The following ADCY2 variants were observed in gnomAD, a reference collection of about 807,000 sequenced individuals.
ADCY2 encodes the protein adenylate cyclase 2.
ADCY2 carries 31 observed loss-of-function variants against 125.2 expected under a neutral mutation model. The ratio of observed to expected loss-of-function variants is 0.25; its 90% confidence interval spans 0.19 to 0.33. ADCY2 has a LOEUF of 0.33. Ranked by LOEUF, ADCY2 falls within the 10% of genes least tolerant of loss-of-function variation. The pLI is 1.00. For synonymous variants in ADCY2, 512 were observed against 548.4 expected, an observed-to-expected ratio of 0.93 and a Z score of 0.93; for missense variants, 904 against 1,418.2, an observed-to-expected ratio of 0.64 and a Z score of 5.82.
At chr5:7,715,889 G>A (rs1192634361) in intron 11 of ADCY2, among the ~76,000 whole-genome samples, 1 of 152,160 alleles carries the variant, frequency 6.6e-6, no homozygotes, top group East Asian at 1.9e-4. Context: ...AGGAAAGTGT[G>A]ATTTTTATTC....
intron 1 of ADCY2, among the ~76,000 whole-genome samples, chr5:7,401,292 C>T (rs777246267): frequency 6.6e-6 from 1 of 152,164 alleles, no homozygotes; most frequent in African/African-American, 2.4e-5. Flanking sequence ...GAAAGGTGCT[C>T]ATTCTACAGA....
At chr5:7,671,891 A>C (rs1344555793) in intron 4 of ADCY2, among the ~76,000 whole-genome samples, 1 of 152,092 alleles carries the variant, frequency 6.6e-6, no homozygotes, top group African/African-American at 2.4e-5. Flanking sequence ...CTTCATTTTC[A>C]GGTGAGGAAA....
At chr5:7,794,754 A>G (rs1402459794) in intron 20 of ADCY2, 2 of 152,058 alleles carry the variant, frequency 1.3e-5, no homozygotes, top group Non-Finnish European at 2.9e-5. Context: ...AGAAGAATCT[A>G]TTTCCTTGAC....
At chr5:7,422,509 A>ATAGGAC (rs1296272580) in intron 2 of ADCY2, among the ~76,000 whole-genome samples, 1 of 152,118 alleles carries the variant, frequency 6.6e-6, no homozygotes, top group African/African-American at 2.4e-5. Flanking sequence ...AAGGATAGGA[A>ATAGGAC]AGCTGACCCA....
Position 7,724,602 on chromosome 5 carries a change from A to C in ADCY2, c.1761A>C (p.Val587=), listed in dbSNP as rs761225165. The change falls in exon 13 of 25, where the codon GTA becomes GTC. Residue 587 remains valine (V), a synonymous_variant. Coordinates refer to ENST00000338316, the MANE Select transcript of ADCY2 (RefSeq NM_020546.3). ...QRISLLFYNK[V]LEKEYRATAL... is the part of the protein sequence containing the mutation. ...TCTCACTGCTTTTCTATAACAAAGT[A>C]CTAGAAAAAGAGGTAAGTTTTTTTC... The C allele has an allele frequency of 6.3e-7, 1 of 1,580,538 alleles. No individual in the cohort carries two copies. The highest frequency in any genetic ancestry group is 8.6e-7 in the Non-Finnish European group (1 of 1,169,416).
intron 3 of ADCY2, among the ~76,000 whole-genome samples, chr5:7,525,254 G>A (rs911317343): frequency 9.2e-5 from 14 of 152,162 alleles, no homozygotes; most frequent in African/African-American, 3.1e-4. Context: ...CAATCCGCCA[G>A]CCTTGGCCTT....
chr5:7,757,373 T>G, intron 15 of ADCY2, 76 bp from the exon 16 acceptor site: 2 of 1,548,770 alleles, frequency 1.3e-6, no homozygotes, highest in Non-Finnish European at 1.8e-6. Flanking sequence ...CTTGTGGTTG[T>G]AAACATTGTC....
intron 4 of ADCY2, among the ~76,000 whole-genome samples, chr5:7,631,762 A>C (rs988214260): frequency 4.6e-5 from 7 of 152,122 alleles, no homozygotes; most frequent in Admixed American, 3.3e-4. Flanking sequence ...TGCCATCCCC[A>C]AAGATCCCTC....
At position 7,481,344 on chromosome 5, in the gene ADCY2, GC is replaced by G. The variant is rs1210706714; in HGVS notation, c.409-39393del. On this transcript the variant is annotated intron_variant, in intron 2 of 24. Transcript: ENST00000338316. ...TGCAGTGGCACGATCTCGGCTCACTGCAAGCTCCGCCTCCCGGGTTCACGCC... is the reference window on the plus strand; with the variant it reads ...TGCAGTGGCACGATCTCGGCTCACTGAAGCTCCGCCTCCCGGGTTCACGCC... Among the ~76,000 whole-genome samples, 3 of 152,166 alleles carry G rather than the reference GC, an allele frequency of 2.0e-5. No individual in the cohort carries two copies. In the East Asian group the frequency reaches 5.8e-4, roughly 29 times the overall value.
At chr5:7,587,291 T>G (rs1370409114) in intron 3 of ADCY2, among the ~76,000 whole-genome samples, 1 of 152,196 alleles carries the variant, frequency 6.6e-6, no homozygotes, top group African/African-American at 2.4e-5. Flanking sequence ...AGGTGATCAC[T>G]TGGGGATCCT....
chr5:7,491,958 A>T (rs1743179300), intron 2 of ADCY2, among the ~76,000 whole-genome samples: 1 of 152,230 alleles, frequency 6.6e-6, no homozygotes, highest in Non-Finnish European at 1.5e-5. Context: ...TGTGTGTGCC[A>T]GGCTGTCTGT....
At chr5:7,640,503 A>G (rs1311488870) in intron 4 of ADCY2, among the ~76,000 whole-genome samples, 1 of 152,222 alleles carries the variant, frequency 6.6e-6, no homozygotes, top group African/African-American at 2.4e-5. Flanking sequence ...CAAATTCTAT[A>G]TTAGAAAGAA....
chr5:7,781,085 A>T (rs1743909302), intron 18 of ADCY2, among the ~76,000 whole-genome samples: 1 of 152,186 alleles, frequency 6.6e-6, no homozygotes, highest in Admixed American at 6.5e-5. Flanking sequence ...ACTTTCTGTT[A>T]TATTAGCTGT....
At chr5:7,573,593 C>CTTTTTTTTTTTTTTTTTTTTTTTTTTT (rs763347773) in intron 3 of ADCY2, among the ~76,000 whole-genome samples, 15 of 86,364 alleles carry the variant, frequency 1.7e-4, no homozygotes, top group Non-Finnish European at 2.9e-4. Flanking sequence ...GGTTGATTTT[C>CTTTTTTTTTTTTTTTTTTTTTTTTTTT]TTTTTTTTTT....
At chr5:7,417,685 A>G (rs1322763772) in intron 2 of ADCY2, among the ~76,000 whole-genome samples, 4 of 152,226 alleles carry the variant, frequency 2.6e-5, no homozygotes, top group Admixed American at 6.5e-5. Context: ...CCTGACCCCT[A>G]TCTGTCACTT....
chr5:7,510,580 G>A (rs1744017120), intron 2 of ADCY2, among the ~76,000 whole-genome samples: 1 of 152,164 alleles, frequency 6.6e-6, no homozygotes, highest in African/African-American at 2.4e-5. Context: ...TGGTAACAAA[G>A]ATCTTGAGCT....
intron 2 of ADCY2, among the ~76,000 whole-genome samples, chr5:7,470,529 T>C (rs944111802): frequency 1.3e-5 from 2 of 148,222 alleles, no homozygotes; most frequent in Non-Finnish European, 3.0e-5. Flanking sequence ...TGAAACTATA[T>C]ACATATATTA....
At chr5:7,717,705 C>T (rs927345067) in intron 12 of ADCY2, among the ~76,000 whole-genome samples, 1 of 152,186 alleles carries the variant, frequency 6.6e-6, no homozygotes, top group Non-Finnish European at 1.5e-5. Context: ...CACAAAATGT[C>T]ATTTAGCCTC....
intron 1 of ADCY2, among the ~76,000 whole-genome samples, chr5:7,400,653 C>G (rs140720394): frequency 6.6e-6 from 1 of 152,302 alleles, no homozygotes; most frequent in Admixed American, 6.5e-5. Context: ...GCAGGAAATT[C>G]TGTGCATGCT....
Sources: gnomAD v4.1 joint callset for allele counts (sites outside exome capture counted in the v4.1 genomes callset) on GRCh38, gnomAD v4.1.1 for gene constraint, MANE v1.5 for transcripts, NCBI Gene and HGNC (gene_info 2026-07-23, HGNC 2026-07-21) for gene names.